The following TNFSF4 variants were observed in gnomAD, a reference collection of about 807,000 sequenced individuals.
TNFSF4 encodes the protein tumor necrosis factor ligand superfamily member 4.
TNFSF4 carries 4 observed loss-of-function variants against 7.3 expected under a neutral mutation model. The ratio of observed to expected loss-of-function variants is 0.55; its 90% CI spans 0.27 to 1.25. TNFSF4 has a LOEUF of 1.25. Ranked by LOEUF, TNFSF4 falls within the 50% of genes most tolerant of loss-of-function variation. The pLI is 0.12. For missense variants in TNFSF4, 181 were observed against 208.8 expected, an observed-to-expected ratio of 0.87 and a Z score of 0.82; for synonymous variants, 76 against 83.7, an observed-to-expected ratio of 0.91 and a Z score of 0.50.
At chr1:173,261,860 GC>G in the TNFSF4 span, among the ~76,000 whole-genome samples, 32,084 of 151,776 alleles carry the variant, frequency 0.21, 3,689 homozygotes, top group Admixed American at 0.32. Flanking sequence ...CAAAAAAAAA[GC>G]CCAAGACCAG....
chr1:173,425,537 G>A, the TNFSF4 span, among the ~76,000 whole-genome samples: 286 of 152,276 alleles, frequency 1.9e-3, no homozygotes, highest in African/African-American at 6.6e-3. Flanking sequence ...CTAGGAAGAT[G>A]GCAAAGCCAT....
At chr1:173,443,001 T>C in the TNFSF4 span, among the ~76,000 whole-genome samples, 1 of 152,180 alleles carries the variant, frequency 6.6e-6, no homozygotes, top group Non-Finnish European at 1.5e-5. Flanking sequence ...TTTTACAACA[T>C]TTATATTTCA....
the TNFSF4 span, among the ~76,000 whole-genome samples, chr1:173,251,045 G>A: frequency 1.3e-5 from 2 of 152,174 alleles, no homozygotes; most frequent in African/African-American, 4.8e-5. Context: ...TATTGAATCA[G>A]AAACTGGGGA....
chr1:173,196,471 T>A (rs1207224879), intron 1 of TNFSF4, among the ~76,000 whole-genome samples: 3 of 152,140 alleles, frequency 2.0e-5, no homozygotes, highest in Admixed American at 6.5e-5. Flanking sequence ...CCACTGTATA[T>A]CCTGCGTGAT....
At chr1:173,201,860 T>C (rs948927503) in intron 1 of TNFSF4, among the ~76,000 whole-genome samples, 2 of 152,130 alleles carry the variant, frequency 1.3e-5, no homozygotes, top group Non-Finnish European at 2.9e-5. Flanking sequence ...ATTTCATTAG[T>C]GACTATGGAA....
At chr1:173,422,652 A>G in the TNFSF4 span, among the ~76,000 whole-genome samples, 1 of 152,196 alleles carries the variant, frequency 6.6e-6, no homozygotes, top group Non-Finnish European at 1.5e-5. Flanking sequence ...GCGCATTCCA[A>G]GCAGTGGAGG....
At chr1:173,324,165 C>T in the TNFSF4 span, among the ~76,000 whole-genome samples, 38 of 152,148 alleles carry the variant, frequency 2.5e-4, no homozygotes, top group Non-Finnish European at 7.3e-5. Context: ...GCGGATCTCT[C>T]GGCAGAAACC....
At chr1:173,393,493 C>T in the TNFSF4 span, among the ~76,000 whole-genome samples, 2 of 152,166 alleles carry the variant, frequency 1.3e-5, no homozygotes, top group African/African-American at 2.4e-5. Context: ...GATCCATGTA[C>T]CCCCATGGTA....
the TNFSF4 span, among the ~76,000 whole-genome samples, chr1:173,342,298 T>C: frequency 6.6e-6 from 1 of 152,168 alleles, no homozygotes; most frequent in East Asian, 1.9e-4. Flanking sequence ...CCCTTCCCCA[T>C]ATACCTGCTG....
At chr1:173,231,120 A>G in the TNFSF4 span, among the ~76,000 whole-genome samples, 1 of 152,160 alleles carries the variant, frequency 6.6e-6, no homozygotes, top group Non-Finnish European at 1.5e-5. Context: ...CCTGATACCA[A>G]AGCTTGGCAG....
the TNFSF4 span, chr1:173,352,133 G>C: frequency 2.1e-5 from 5 of 243,134 alleles, no homozygotes; most frequent in Non-Finnish European, 3.9e-5. Flanking sequence ...CACTTTCTCT[G>C]GTAAACCAGA....
At chr1:173,441,054 C>T in the TNFSF4 span, among the ~76,000 whole-genome samples, 1 of 152,012 alleles carries the variant, frequency 6.6e-6, no homozygotes, top group Non-Finnish European at 1.5e-5. Flanking sequence ...GTTACTAAAC[C>T]TCTGAGTGCA....
chr1:173,411,793 TC>T, the TNFSF4 span, among the ~76,000 whole-genome samples: 1 of 35,734 alleles, frequency 2.8e-5, no homozygotes, highest in Non-Finnish European at 1.2e-4. Context: ...AGAGTGAGAC[TC>T]TCTCAAAAAA....
chr1:173,430,982 T>G, the TNFSF4 span, among the ~76,000 whole-genome samples: 1 of 152,136 alleles, frequency 6.6e-6, no homozygotes, highest in Non-Finnish European at 1.5e-5. Context: ...GCCTCCAAAG[T>G]GGTAAATTTG....
chr1:173,378,452 C>A, the TNFSF4 span, among the ~76,000 whole-genome samples: 3 of 152,188 alleles, frequency 2.0e-5, no homozygotes, highest in Non-Finnish European at 4.4e-5. Context: ...AACACTCAGG[C>A]ATCAACAGGC....
the TNFSF4 span, among the ~76,000 whole-genome samples, chr1:173,348,945 C>T: frequency 1.3e-5 from 2 of 152,160 alleles, no homozygotes; most frequent in African/African-American, 4.8e-5. Context: ...GTAGTCTCCC[C>T]AACACAGGTC....
At chr1:173,289,207 T>C in the TNFSF4 span, among the ~76,000 whole-genome samples, 1 of 152,128 alleles carries the variant, frequency 6.6e-6, no homozygotes, top group East Asian at 1.9e-4. Flanking sequence ...CTTGAGTCCA[T>C]TGATAAATAC....
the TNFSF4 span, among the ~76,000 whole-genome samples, chr1:173,178,524 A>G: frequency 6.6e-6 from 1 of 152,314 alleles, no homozygotes; most frequent in South Asian, 2.1e-4. Flanking sequence ...CAGGGAGCTG[A>G]GATGGCGCCA....
chr1:173,304,169 C>CA, the TNFSF4 span, among the ~76,000 whole-genome samples: 1 of 151,776 alleles, frequency 6.6e-6, no homozygotes, highest in Admixed American at 6.6e-5. Flanking sequence ...ATTTCTAGAA[C>CA]AAAAAACCTC....
Sources: allele counts gnomAD v4.1 joint callset (sites outside exome capture counted in the v4.1 genomes callset), GRCh38; gene constraint gnomAD v4.1.1; transcripts MANE v1.5; gene names NCBI Gene and HGNC (gene_info 2026-07-23, HGNC 2026-07-21).